CES1: variants seen among roughly 807,000 people sequenced by gnomAD.
CES1 encodes the protein carboxylesterase 1, also known as liver carboxylesterase 1.
In CES1, 50 loss-of-function variants were observed where a neutral mutation model predicts 53.0. That is an observed-to-expected ratio of 0.94 (90% CI 0.75 to 1.19). The LOEUF is 1.19. Among genes scored for constraint, CES1 ranks in the 50% most tolerant of loss-of-function variants. The pLI, the probability that CES1 is intolerant of heterozygous loss-of-function variation, is 0.00. For synonymous variants in CES1, 202 were observed against 210.1 expected (o/e 0.96, Z 0.33); for missense variants, 534 against 538.0 (o/e 0.99, Z 0.07).
At chr16:55,825,166 C>T (rs1245188243) in intron 3 of CES1, among the ~76,000 whole-genome samples, 1 of 142,748 alleles carries the variant, frequency 7.0e-6, no homozygotes, top group African/African-American at 2.7e-5. Context: ...GCACTGAGTA[C>T]ACAATAGAAG....
rs1212207500 is a variant in CES1 at position 55,810,607 on chromosome 16, C to T, written c.1228G>A (p.Asp410Asn). The change falls in exon 11 of 14, where the codon GAC becomes AAC. Residue 410 changes from aspartate (D) to asparagine (N), a missense_variant. Asp to Asn is a conservative substitution (Grantham distance 23). Around this residue, in one of 5 missense-constraint regions of CES1, gnomAD observed 269 missense variants for 206.6 expected, o/e 1.30. Coordinates refer to ENST00000360526, the MANE Select transcript of CES1 (RefSeq NM_001025195.2). ...AACAGGTCTTTCTTTTTGACAGTGTCGTCTGTTCCTCCTAAGTATTTCTCA... is the reference window on the plus strand; with the variant it reads ...AACAGGTCTTTCTTTTTGACAGTGTTGTCTGTTCCTCCTAAGTATTTCTCA... The part of the protein sequence containing the change: ...ATEKYLGGTD[D>N]TVKKKDLFLD... The T allele has an allele frequency of 5.6e-6, 9 of 1,613,960 alleles. No homozygotes were observed. Among genetic ancestry groups the T allele is most frequent in the South Asian group, 2.2e-5 (2 of 91,078 alleles).
chr16:55,817,061 A>G lies in CES1; in HGVS notation c.907-99T>C, dbSNP rs139962069. ...AGAGGTGTCAGGTTCTTCCCGCATC[A>G]CTCCGTGAATTCGTATATCTATATG... On this transcript the variant is annotated intron_variant, in intron 7 of 13. Transcript: ENST00000360526. The G allele has an allele frequency of 1.3e-4, 171 of 1,294,480 alleles. 1 individual carries two copies. In the African/African-American group the frequency reaches 2.2e-3, roughly 17 times the overall value. 80.2% of individuals were successfully genotyped at this position (1,294,480 alleles called of 1,614,324 possible). A position where few individuals can be genotyped will look rare whatever the true frequency, so the allele number is the denominator to read the frequency against.
rs1238590970 is a variant in CES1 at position 55,810,789 on chromosome 16, A to G, written c.1171-125T>C. ...GTGCAACTCCCCGCTAGGGTGGAAAATGAAGTGGGAAAGGTGGAAAGATGG... is the reference window on the plus strand; with the variant it reads ...GTGCAACTCCCCGCTAGGGTGGAAAGTGAAGTGGGAAAGGTGGAAAGATGG... On this transcript the variant is annotated intron_variant, in intron 10 of 13. Coordinates refer to ENST00000360526, the MANE Select transcript of CES1 (RefSeq NM_001025195.2). The G allele has an allele frequency of 2.9e-5, 41 of 1,431,064 alleles. No individual in the cohort carries two copies. In the East Asian group the frequency reaches 8.3e-4, roughly 29 times the overall value. The allele number at this position is 1,431,064 out of a possible 1,614,324, so 88.6% of individuals were successfully genotyped here. A position where few individuals can be genotyped will look rare whatever the true frequency, so the allele number is the denominator to read the frequency against.
intron 1 of CES1, among the ~76,000 whole-genome samples, chr16:55,830,811 A>AAGGG (rs1238695193): frequency 7.0e-6 from 1 of 143,034 alleles, no homozygotes; most frequent in African/African-American, 2.7e-5. Flanking sequence ...GGAAGGAAGG[A>AAGGG]AGGAAGGAAG....
chr16:55,821,230 TGC>T (rs1567501204), intron 5 of CES1, 136 bp downstream of exon 5: 2 of 1,150,244 alleles, frequency 1.7e-6, no homozygotes, highest in Non-Finnish European at 2.6e-6. Flanking sequence ...TACCCCCTGA[TGC>T]TGGGCTGTGA....
At chr16:55,811,273 T>TGC (rs2031687307) in intron 9 of CES1, among the ~76,000 whole-genome samples, 1 of 150,786 alleles carries the variant, frequency 6.6e-6, no homozygotes, top group Non-Finnish European at 1.5e-5. Flanking sequence ...AGTGTGTGTG[T>TGC]GTGCGCGCGT....
At chr16:55,821,809 C>G (rs2032210726) in intron 4 of CES1, among the ~76,000 whole-genome samples, 1 of 152,120 alleles carries the variant, frequency 6.6e-6, no homozygotes, top group Admixed American at 6.5e-5. Flanking sequence ...TGAATTCCCA[C>G]TACAGATCAC....
In CES1 at chr16:55,826,293, C is replaced by A. The variant is rs762443072; in HGVS notation, c.263G>T (p.Cys88Phe). ...CTGCCCCGCCTTGGGATCTTGGGTG[C>A]ACCTGGGGAGGGGGAAAGAAGAACC... ...VKNATSYPPM[C>F]TQDPKAGQLL... is the part of the protein sequence containing the mutation. Residue 88 changes from cysteine to phenylalanine, a missense_variant and splice_region_variant, in exon 3 of 14, where the codon TGC becomes TTC. Around this residue, in one of 5 missense-constraint regions of CES1, gnomAD observed 164 missense variants for 162.4 expected, o/e 1.01. Coordinates refer to ENST00000360526, the MANE Select transcript of CES1 (RefSeq NM_001025195.2). 4.8e-5 allele frequency: 77 copies of A among 1,613,750 alleles called. No homozygotes were observed. The highest frequency in any genetic ancestry group is 3.0e-4 in the Admixed American group (18 of 59,998).
chr16:55,828,282 G>C (rs1165985756), intron 2 of CES1: 21 of 254,726 alleles, frequency 8.2e-5, no homozygotes, highest in African/African-American at 4.3e-4. Flanking sequence ...CACTTGCCGA[G>C]TGGACACCTC....
In CES1 at chr16:55,821,581, A is replaced by G. The variant is rs2032200955; in HGVS notation, c.540-60T>C. On this transcript the variant is annotated intron_variant, in intron 4 of 13. Transcript: ENST00000360526. ...AGAGATGTCATGCAGGACCTTCAGGACCACAGATGGGGCTAGGGGTTCTCA... is the reference window on the plus strand; with the variant it reads ...AGAGATGTCATGCAGGACCTTCAGGGCCACAGATGGGGCTAGGGGTTCTCA... The G allele has an allele frequency of 4.4e-6, 7 of 1,587,814 alleles. No homozygotes were observed. In the Admixed American group the frequency reaches 1.0e-4, roughly 23 times the overall value.
intron 3 of CES1, 93 bp from the exon 4 acceptor site, chr16:55,823,776 A>G: frequency 6.2e-7 from 1 of 1,603,476 alleles, no homozygotes; most frequent in East Asian, 2.2e-5. Context: ...TGTTGGTTAC[A>G]ACTGAAGGAG....
intron 9 of CES1, 114 bp downstream of exon 9, chr16:55,812,789 G>T: frequency 2.0e-6 from 3 of 1,463,498 alleles, no homozygotes; most frequent in South Asian, 1.1e-5. Context: ...CTGCTGAAGG[G>T]AACAGCTGCC....
intron 3 of CES1, among the ~76,000 whole-genome samples, chr16:55,825,175 AGAATGAATGAAT>A (rs3064342): frequency 0.043 from 6,492 of 150,454 alleles, 192 homozygotes; most frequent in Middle Eastern, 0.12. Context: ...ACACAATAGA[AGAATGAATGAAT>A]GAATGAATGA....
At chr16:55,829,762 G>A (rs1335928428) in intron 1 of CES1, among the ~76,000 whole-genome samples, 4 of 152,342 alleles carry the variant, frequency 2.6e-5, no homozygotes, top group African/African-American at 4.8e-5. Context: ...AGCAGGAACC[G>A]TTCCAGATAA....
chr16:55,809,197 T>TATATA (rs1289070251), intron 11 of CES1, among the ~76,000 whole-genome samples: 1 of 149,986 alleles, frequency 6.7e-6, no homozygotes, highest in African/African-American at 2.5e-5. Flanking sequence ...ATGGGAACTC[T>TATATA]ATATATAGTT....
intron 1 of CES1, among the ~76,000 whole-genome samples, chr16:55,831,767 G>A (rs1239202408): frequency 3.4e-4 from 51 of 151,720 alleles, no homozygotes; most frequent in African/African-American, 9.9e-4. Context: ...AGGAAGACAG[G>A]ATGCAGACGG....
At position 55,812,864 on chromosome 16, in the gene CES1, G is replaced by A. The variant is rs2307232; in HGVS notation, c.1086+39C>T. ...GGACCAGAGACAGGAGGGCTGATGG[G>A]GGTGGTTGAGTCCCTCCAACAGACA... On this transcript the variant is annotated intron_variant, in intron 9 of 13. Transcript: ENST00000360526. 3 of 1,612,856 alleles carry A rather than the reference G, an allele frequency of 1.9e-6. No individual in the cohort carries two copies. In the South Asian group the frequency reaches 3.3e-5, roughly 18 times the overall value.
intron 1 of CES1, among the ~76,000 whole-genome samples, chr16:55,832,527 C>T (rs2032722936): frequency 6.6e-6 from 1 of 152,218 alleles, no homozygotes; most frequent in African/African-American, 2.4e-5. Flanking sequence ...GCAGCACTGC[C>T]ACCTCTGTTT....
chr16:55,810,595 T>C lies in CES1; in HGVS notation c.1240A>G (p.Lys414Glu), dbSNP rs2031643381. The change falls in exon 11 of 14, where the codon AAG becomes GAG. Residue 414 changes from lysine (K) to glutamate (E), a missense_variant. By Grantham distance (56) the Lys-to-Glu change is moderately conservative. Transcript: ENST00000360526. The part of the protein sequence containing the change: ...YLGGTDDTVK[K>E]KDLFLDLIAD... Reference sequence around the variant, plus strand: ...ATCAAGTCCAGGAACAGGTCTTTCTTTTTGACAGTGTCGTCTGTTCCTCCT... The same window carrying C: ...ATCAAGTCCAGGAACAGGTCTTTCTCTTTGACAGTGTCGTCTGTTCCTCCT... 2 of 1,614,184 alleles carry C rather than the reference T, an allele frequency of 1.2e-6. No individual in the cohort carries two copies. Among genetic ancestry groups the C allele is most frequent in the Non-Finnish European group, 1.7e-6 (2 of 1,180,010 alleles).
Sources: allele counts gnomAD v4.1 joint callset (sites outside exome capture counted in the v4.1 genomes callset), GRCh38; gene constraint gnomAD v4.1.1; regional missense constraint gnomAD v4.1.1; transcripts MANE v1.5; gene names NCBI Gene and HGNC (gene_info 2026-07-23, HGNC 2026-07-21).